Variants in IL16 observed in about 807,000 individuals in gnomAD.
The protein encoded by IL16 is pro-interleukin-16.
IL16 carries 67 observed loss-of-function variants against 110.1 expected under a neutral mutation model. The observed-to-expected ratio is 0.61, with a 90% CI of 0.50 to 0.75. The LOEUF (loss-of-function observed/expected upper bound fraction) is 0.75. IL16 is among the 30% of genes least tolerant of loss of function. The pLI is 0.00. For synonymous variants in IL16, 689 were observed against 662.9 expected, an observed-to-expected ratio of 1.04 and a Z score of -0.61; for missense variants, 1,545 against 1,655.0, an observed-to-expected ratio of 0.93 and a Z score of 1.15.
At chr15:81,258,558 G>C (rs1466046735) in intron 2 of IL16, among the ~76,000 whole-genome samples, 1 of 151,870 alleles carries the variant, frequency 6.6e-6, no homozygotes, top group Non-Finnish European at 1.5e-5. Flanking sequence ...TAAACTAGCT[G>C]GGCATGCTGG....
upstream of IL16, among the ~76,000 whole-genome samples, chr15:81,193,979 GTTACA>G (rs1202524113): frequency 1.3e-5 from 2 of 152,066 alleles, no homozygotes; most frequent in East Asian, 3.8e-4. Context: ...TCTGCGTCAT[GTTACA>G]TTACTAGTTA....
At chr15:81,288,202 AG>A (rs1899537465) in intron 10 of IL16, among the ~76,000 whole-genome samples, 2 of 152,178 alleles carry the variant, frequency 1.3e-5, no homozygotes, top group South Asian at 4.1e-4. Context: ...GCACAGGCAT[AG>A]GGCAGAGAGA....
chr15:81,289,152 C>A (rs965287918), intron 10 of IL16, among the ~76,000 whole-genome samples: 1 of 152,032 alleles, frequency 6.6e-6, no homozygotes, highest in Non-Finnish European at 1.5e-5. Context: ...TTGTTATTTT[C>A]TTTTCTTTTT....
intron 1 of IL16, 134 bp from the exon 2 acceptor site, chr15:81,225,165 T>A: frequency 1.5e-6 from 1 of 683,404 alleles, no homozygotes; most frequent in Non-Finnish European, 2.3e-6. Context: ...GGGCCAGTGA[T>A]CTTAAAGGAT....
At position 81,308,868 on chromosome 15, in the gene IL16, G is replaced by C; in HGVS notation, c.*70G>C. On this transcript the variant is annotated 3_prime_UTR_variant, in exon 19 of 19. Transcript: ENST00000683961. ...CAGCTCCCATAACCGCTGATTCTCA[G>C]GGTCTCTGCTGCCGCCCCACCCAGA... The C allele has an allele frequency of 7.3e-7, 1 of 1,371,538 alleles. No homozygotes were observed. The highest frequency in any genetic ancestry group is 1.0e-6 in the Non-Finnish European group (1 of 1,000,874). The allele number at this position is 1,371,538 out of a possible 1,614,324, so 85.0% of individuals were successfully genotyped here.
chr15:81,197,179 C>T, intron 1 of IL16, 27 bp downstream of exon 1: 4 of 1,282,526 alleles, frequency 3.1e-6, no homozygotes, highest in Non-Finnish European at 4.1e-6. Context: ...CAGGCAGCTG[C>T]TCTGTCCAGG....
chr15:81,259,216 A>G (rs1301737014), intron 2 of IL16, among the ~76,000 whole-genome samples: 2 of 152,230 alleles, frequency 1.3e-5, no homozygotes, highest in Non-Finnish European at 2.9e-5. Context: ...TTTATATAAC[A>G]TTCATTCCGC....
intron 1 of IL16, among the ~76,000 whole-genome samples, chr15:81,207,127 C>T (rs1896052038): frequency 6.6e-6 from 1 of 151,354 alleles, no homozygotes; most frequent in African/African-American, 2.4e-5. Context: ...TCCCAGCTCC[C>T]CTGGGGAGGC....
intron 2 of IL16, among the ~76,000 whole-genome samples, chr15:81,245,588 T>TAGGTTTCCCATTC (rs139710972): frequency 0.24 from 35,964 of 151,956 alleles, 4,939 homozygotes; most frequent in African/African-American, 0.37. Context: ...GATGGAAGTC[T>TAGGTTTCCCATTC]AGCCACTGCT....
intron 8 of IL16, among the ~76,000 whole-genome samples, chr15:81,280,097 C>G (rs976870794): frequency 6.6e-6 from 1 of 152,186 alleles, no homozygotes; most frequent in Non-Finnish European, 1.5e-5. Context: ...TATGCTAAGA[C>G]GCCCTGGGCA....
At chr15:81,297,112 G>A (rs1217321034) in intron 13 of IL16, 34 bp downstream of exon 13, 1 of 1,590,518 alleles carries the variant, frequency 6.3e-7, no homozygotes, top group Non-Finnish European at 8.6e-7. Context: ...AAAAGGAAGG[G>A]TCTTTTGAAA....
intron 10 of IL16, among the ~76,000 whole-genome samples, 192 bp from the exon 11 acceptor site, chr15:81,290,261 T>G (rs1899648891): frequency 6.6e-6 from 1 of 152,202 alleles, no homozygotes; most frequent in African/African-American, 2.4e-5. Flanking sequence ...ACTTTGGACT[T>G]TATCTAGAAG....
rs146085584 is a variant in IL16, at chr15:81,233,549, C to T, written c.312+7838C>T. Among the ~76,000 whole-genome samples, 32 of 149,574 alleles carry T rather than the reference C, an allele frequency of 2.1e-4. No homozygotes were observed. The East Asian group carries it at 2.6e-3, about 12-fold the overall frequency. ...CATAGTTAAAGAAGAGAATGTATTGCGAATGATTTTAATCACTGGAAATTT... is the reference window on the plus strand; with the variant it reads ...CATAGTTAAAGAAGAGAATGTATTGTGAATGATTTTAATCACTGGAAATTT... On this transcript the variant is annotated intron_variant, in intron 2 of 18. Transcript: ENST00000683961.
intron 1 of IL16, among the ~76,000 whole-genome samples, chr15:81,189,977 T>C (rs1035248695): frequency 5.3e-5 from 8 of 152,146 alleles, no homozygotes; most frequent in African/African-American, 1.7e-4. Context: ...GTGGGACAAA[T>C]AACTGCTTTG....
At chr15:81,273,279 G>A (rs1373843034) in intron 6 of IL16, 75 bp downstream of exon 6, 12 of 1,126,462 alleles carry the variant, frequency 1.1e-5, no homozygotes, top group Non-Finnish European at 1.4e-5. Flanking sequence ...GGCCATAGAA[G>A]ATGTTGGGAA....
chr15:81,284,103 T>G (rs1242484956), intron 9 of IL16, among the ~76,000 whole-genome samples: 2 of 152,198 alleles, frequency 1.3e-5, no homozygotes, highest in Admixed American at 1.3e-4. Flanking sequence ...CCAGATATAT[T>G]TTTTATAAAT....
intron 10 of IL16, among the ~76,000 whole-genome samples, chr15:81,288,629 G>C (rs1401378269): frequency 6.6e-6 from 1 of 152,034 alleles, no homozygotes; most frequent in Non-Finnish European, 1.5e-5. Flanking sequence ...TCTCCTACCA[G>C]CAAATCCTGG....
At chr15:81,262,511 G>T (rs1350347480) in intron 3 of IL16, among the ~76,000 whole-genome samples, 2 of 151,912 alleles carry the variant, frequency 1.3e-5, no homozygotes, top group East Asian at 3.9e-4. Flanking sequence ...AATGAATAGA[G>T]AATTATTCTA....
At chr15:81,200,525 A>G (rs890669692) in intron 1 of IL16, among the ~76,000 whole-genome samples, 2 of 145,550 alleles carry the variant, frequency 1.4e-5, no homozygotes, top group Non-Finnish European at 2.9e-5. Flanking sequence ...ACACGCCACC[A>G]CACCTGGATA....
Sources: allele counts gnomAD v4.1 joint callset (sites outside exome capture counted in the v4.1 genomes callset), GRCh38; gene constraint gnomAD v4.1.1; transcripts MANE v1.5; gene names NCBI Gene and HGNC (gene_info 2026-07-23, HGNC 2026-07-21).